The following ATP10D variants were observed in gnomAD, a reference collection of about 807,000 sequenced individuals.
The protein encoded by ATP10D is phospholipid-transporting ATPase VD.
Under a neutral mutation model 144.8 loss-of-function variants are expected in ATP10D, and 89 were observed. The observed-to-expected ratio is 0.61, with a 90% CI of 0.52 to 0.73. The LOEUF (loss-of-function observed/expected upper bound fraction) is 0.73. ATP10D is among the 30% of genes least tolerant of loss of function. The pLI is 0.00. For synonymous variants in ATP10D, 571 were observed against 615.1 expected, an observed-to-expected ratio of 0.93 and a Z score of 1.06; for missense variants, 1,603 against 1,714.8, an observed-to-expected ratio of 0.93 and a Z score of 1.15.
chr4:47,558,642 A>G (rs1445522002), intron 12 of ATP10D, among the ~76,000 whole-genome samples: 5 of 152,246 alleles, frequency 3.3e-5, no homozygotes, highest in African/African-American at 1.2e-4. Context: ...AAAGTGCCCA[A>G]TAAATGTCAG....
At chr4:47,509,001 A>G (rs56122441) in intron 1 of ATP10D, among the ~76,000 whole-genome samples, 14,762 of 152,196 alleles carry the variant, frequency 0.097, 865 homozygotes, top group Non-Finnish European at 0.13. Flanking sequence ...ATTTTCCTCA[A>G]TATTTATGTG....
chr4:47,544,677 G>A (rs1241586504), intron 9 of ATP10D, among the ~76,000 whole-genome samples: 1 of 152,172 alleles, frequency 6.6e-6, no homozygotes, highest in Non-Finnish European at 1.5e-5. Context: ...GAAAAAGTTG[G>A]TACTGGAACC....
chr4:47,529,293 A>G (rs558326948), intron 5 of ATP10D, among the ~76,000 whole-genome samples: 1 of 152,254 alleles, frequency 6.6e-6, no homozygotes, highest in African/African-American at 2.4e-5. Flanking sequence ...TGAGTCTTTA[A>G]TCCATCTTGA....
Position 47,512,521 on chromosome 4 carries a change from G to T in ATP10D, c.-20G>T, listed in dbSNP as rs1212943318. ...TTTGCCAGGTCAGCTACACAACCTG[G>T]ATCTTACCACAGTTTGGATATGACT... On this transcript the variant is annotated 5_prime_UTR_variant, in exon 2 of 23. Coordinates refer to ENST00000273859, the MANE Select transcript of ATP10D (RefSeq NM_020453.4). 1 of 1,595,526 alleles carries T rather than the reference G, an allele frequency of 6.3e-7. No homozygotes were observed. Among genetic ancestry groups the T allele is most frequent in the East Asian group, 2.2e-5 (1 of 44,596 alleles).
chr4:47,535,775 T>C (rs1461934799), intron 6 of ATP10D, 127 bp from the exon 7 acceptor site: 3 of 1,342,526 alleles, frequency 2.2e-6, no homozygotes, highest in Non-Finnish European at 3.0e-6. Context: ...CAAAAGCAGA[T>C]TGAACTGACA....
chr4:47,556,488 A>G (rs1264603243), intron 11 of ATP10D, among the ~76,000 whole-genome samples: 3 of 152,222 alleles, frequency 2.0e-5, no homozygotes, highest in African/African-American at 7.2e-5. Flanking sequence ...TTTAAGAAAT[A>G]TTATTGGTTA....
At chr4:47,528,857 T>C (rs186722913) in intron 5 of ATP10D, among the ~76,000 whole-genome samples, 235 of 152,264 alleles carry the variant, frequency 1.5e-3, no homozygotes, top group African/African-American at 5.5e-3. Context: ...TTCTGACTGG[T>C]GTGAGATGGT....
Position 47,522,998 on chromosome 4 carries a change from T to C in ATP10D, c.486-14T>C. 2 of 1,576,892 alleles carry C rather than the reference T, an allele frequency of 1.3e-6. No individual in the cohort carries two copies. Among genetic ancestry groups the C allele is most frequent in the Admixed American group, 1.8e-5 (1 of 54,706 alleles). On this transcript the variant is annotated splice_polypyrimidine_tract_variant and intron_variant, in intron 3 of 22. Coordinates refer to ENST00000273859, the MANE Select transcript of ATP10D (RefSeq NM_020453.4). ...TGATATTCTTTTTTTTTTTTAACTT[T>C]TTTTTAATTACAGGAAAGAGAAAAA...
chr4:47,580,617 C>G, intron 20 of ATP10D, 139 bp downstream of exon 20: 1 of 745,468 alleles, frequency 1.3e-6, no homozygotes, highest in Non-Finnish European at 2.3e-6. Flanking sequence ...ATTATAATCT[C>G]CCCAAAAATA....
chr4:47,547,997 C>T (rs1326776778), intron 10 of ATP10D, among the ~76,000 whole-genome samples: 1 of 152,134 alleles, frequency 6.6e-6, no homozygotes, highest in African/African-American at 2.4e-5. Flanking sequence ...TCATTATAAG[C>T]CCATATCGGA....
At chr4:47,503,204 AAAAT>A (rs1285706701) in intron 1 of ATP10D, among the ~76,000 whole-genome samples, 1 of 152,180 alleles carries the variant, frequency 6.6e-6, no homozygotes, top group Non-Finnish European at 1.5e-5. Context: ...TCCATCTTAA[AAAAT>A]AAATAAATAA....
At chr4:47,489,988 G>C (rs1261571113) in intron 1 of ATP10D, among the ~76,000 whole-genome samples, 1 of 152,198 alleles carries the variant, frequency 6.6e-6, no homozygotes, top group Non-Finnish European at 1.5e-5. Context: ...AAACTTACAA[G>C]GTTTTAACTC....
chr4:47,530,614 C>A (rs1181392480), intron 5 of ATP10D, among the ~76,000 whole-genome samples: 1 of 152,038 alleles, frequency 6.6e-6, no homozygotes, highest in Non-Finnish European at 1.5e-5. Flanking sequence ...TGCCACCATG[C>A]CTGGGTAATT....
At chr4:47,491,158 T>A in intron 1 of ATP10D, 1 of 739,552 alleles carries the variant, frequency 1.4e-6, no homozygotes, top group Non-Finnish European at 2.5e-6. Context: ...CAGGAAGGTA[T>A]CTCGCCTATT....
intron 21 of ATP10D, among the ~76,000 whole-genome samples, chr4:47,584,867 G>A (rs930324834): frequency 4.6e-5 from 7 of 152,298 alleles, no homozygotes; most frequent in African/African-American, 1.4e-4. Flanking sequence ...TAAGCAGTCT[G>A]TGTGACTCTT....
chr4:47,559,083 C>A, intron 13 of ATP10D, 54 bp downstream of exon 13: 1 of 1,424,786 alleles, frequency 7.0e-7, no homozygotes, highest in Non-Finnish European at 9.9e-7. Flanking sequence ...GTTTAGCTAT[C>A]ACTGACTGAA....
At chr4:47,546,927 A>C in intron 10 of ATP10D, 65 bp downstream of exon 10, 1 of 1,465,028 alleles carries the variant, frequency 6.8e-7, no homozygotes, top group East Asian at 2.3e-5. Flanking sequence ...ACAGCCTTGT[A>C]ATTATGATAG....
Position 47,515,493 on chromosome 4 carries a change from T to C in ATP10D, c.308T>C (p.Phe103Ser). ...EQFHRAANLY[F>S]LFLVVLNWVP... is the part of the protein sequence containing the mutation. ...GGTTGCAGAGCTGCCAATTTATATT[T>C]CCTGTTCCTAGTTGTCCTGAACTGG... The change falls in exon 3 of 23, where the codon TTC becomes TCC. Residue 103 changes from phenylalanine (F) to serine (S), a missense_variant. By Grantham distance (155) the Phe-to-Ser change is radical (BLOSUM62 -2). Coordinates refer to ENST00000273859, the MANE Select transcript of ATP10D (RefSeq NM_020453.4). 6.2e-7 allele frequency: 1 copy of C among 1,611,942 alleles called. No individual in the cohort carries two copies. Among genetic ancestry groups the C allele is most frequent in the South Asian group, 1.1e-5 (1 of 90,850 alleles).
chr4:47,489,669 T>C lies in ATP10D; in HGVS notation c.-38+4150T>C, dbSNP rs939268637. 5.3e-5 allele frequency among the ~76,000 whole-genome samples: 8 copies of C among 152,302 alleles called. No individual in the cohort carries two copies. The East Asian group carries it at 1.3e-3, about 26-fold the overall frequency. On this transcript the variant is annotated intron_variant, in intron 1 of 22. Transcript: ENST00000273859. ...CCCCATCTCCCTTATTGTGTGTACT[T>C]TTATGTTAGGTATCATTATTTCTGA...
Sources: allele counts gnomAD v4.1 joint callset (sites outside exome capture counted in the v4.1 genomes callset), GRCh38; gene constraint gnomAD v4.1.1; transcripts MANE v1.5; gene names NCBI Gene and HGNC (gene_info 2026-07-23, HGNC 2026-07-21).